Variants in ZNF215 observed in about 807,000 individuals in gnomAD.
ZNF215 encodes the protein BWSCR2-associated zinc finger protein 2.
ZNF215 carries 24 observed loss-of-function variants against 27.2 expected under a neutral mutation model. The ratio of observed to expected loss-of-function variants is 0.88; its 90% CI spans 0.64 to 1.24. ZNF215 has a LOEUF of 1.24. Ranked by LOEUF, ZNF215 falls within the 50% of genes most tolerant of loss-of-function variation. The probability of loss-of-function intolerance (pLI) is 0.00; values close to 1 mark genes in which losing one functional copy is unlikely to be tolerated. For missense variants in ZNF215, 675 were observed against 605.7 expected (o/e 1.11, Z -1.20); for synonymous variants, 210 against 204.0 (o/e 1.03, Z -0.25).
In ZNF215 at chr11:6,956,827, T is replaced by G; in HGVS notation, c.*296T>G. 1 of 1,124,528 alleles carries G rather than the reference T, an allele frequency of 8.9e-7. No individual in the cohort carries two copies. The allele number at this position is 1,124,528 out of a possible 1,614,324, so 69.7% of individuals were successfully genotyped here. On this transcript the variant is annotated 3_prime_UTR_variant, in exon 7 of 7. Transcript: ENST00000278319. ...TCCATTACCCTCACCTCTCCCTAGT[T>G]CATAAATAGGTCTATAGCATACTAA...
At chr11:6,973,476 T>A (rs1275020878) in intron 5 of ZNF215, among the ~76,000 whole-genome samples, 1 of 152,156 alleles carries the variant, frequency 6.6e-6, no homozygotes, top group Admixed American at 6.6e-5. Flanking sequence ...TGCCACACTG[T>A]CTTCCACAAT....
At chr11:6,928,762 T>C (rs150234237) in intron 2 of ZNF215, among the ~76,000 whole-genome samples, 1,888 of 152,302 alleles carry the variant, frequency 0.012, 33 homozygotes, top group Non-Finnish European at 0.016. Context: ...TTTCAAAGTA[T>C]CTGGGCCCAT....
At chr11:6,958,958 A>T (rs1490718452), downstream of ZNF215, among the ~76,000 whole-genome samples, 3 of 152,204 alleles carry the variant, frequency 2.0e-5, no homozygotes, top group Admixed American at 6.5e-5. Context: ...GTGTCCACCC[A>T]GATTGAGGGT....
At chr11:6,961,855 A>C (rs185677220), downstream of ZNF215, among the ~76,000 whole-genome samples, 185 of 152,194 alleles carry the variant, frequency 1.2e-3, no homozygotes, top group African/African-American at 4.4e-3. Context: ...CTTTTATTCT[A>C]TTCTAACAGT....
At chr11:6,978,135 T>C (rs1850871937) in intron 5 of ZNF215, among the ~76,000 whole-genome samples, 1 of 152,022 alleles carries the variant, frequency 6.6e-6, no homozygotes, top group Non-Finnish European at 1.5e-5. Flanking sequence ...CGAATGTAGG[T>C]AAAACAGTGT....
downstream of ZNF215, among the ~76,000 whole-genome samples, chr11:6,961,294 T>C (rs1000385076): frequency 6.6e-6 from 1 of 152,096 alleles, no homozygotes; most frequent in Non-Finnish European, 1.5e-5. Flanking sequence ...CTAAGTCTCA[T>C]TATGACCCTG....
chr11:6,990,121 T>C (rs903869931), downstream of ZNF215, among the ~76,000 whole-genome samples: 1 of 152,198 alleles, frequency 6.6e-6, no homozygotes, highest in Non-Finnish European at 1.5e-5. Context: ...GAACCTTTCC[T>C]CCTGTCTCCT....
chr11:6,944,921 A>G (rs1327436904), intron 6 of ZNF215, among the ~76,000 whole-genome samples: 1 of 152,206 alleles, frequency 6.6e-6, no homozygotes. Context: ...ATATCATAAT[A>G]CATTTAACCA....
downstream of ZNF215, among the ~76,000 whole-genome samples, chr11:6,960,154 G>A (rs1432127249): frequency 6.6e-6 from 1 of 152,012 alleles, no homozygotes; most frequent in Non-Finnish European, 1.5e-5. Flanking sequence ...ACATATAAAA[G>A]GAATAATAAC....
chr11:6,953,462 T>A (rs999144310), intron 6 of ZNF215, among the ~76,000 whole-genome samples: 1 of 152,150 alleles, frequency 6.6e-6, no homozygotes, highest in African/African-American at 2.4e-5. Context: ...CTAAACCTCC[T>A]TTCTTGCTTC....
At chr11:6,973,486 T>C (rs1209868082) in intron 5 of ZNF215, among the ~76,000 whole-genome samples, 1 of 152,236 alleles carries the variant, frequency 6.6e-6, no homozygotes, top group East Asian at 1.9e-4. Flanking sequence ...TCTTCCACAA[T>C]GGTTGAACTA....
downstream of ZNF215, among the ~76,000 whole-genome samples, chr11:6,991,717 A>G (rs1456824549): frequency 1.3e-5 from 2 of 152,174 alleles, no homozygotes; most frequent in African/African-American, 4.8e-5. Flanking sequence ...TCATATTTTC[A>G]TGATTTTGTG....
At chr11:6,952,142 C>G (rs925704887) in intron 6 of ZNF215, among the ~76,000 whole-genome samples, 2 of 152,132 alleles carry the variant, frequency 1.3e-5, no homozygotes, top group Non-Finnish European at 2.9e-5. Context: ...CTGAGGAGAG[C>G]TTTACTTCCA....
In ZNF215 at chr11:6,956,384, A is replaced by G. The variant is rs760152506; in HGVS notation, c.1407A>G (p.Lys469=). Residue 469 remains lysine (K), a synonymous_variant, in exon 7 of 7, where the codon AAA becomes AAG. Coordinates refer to ENST00000278319, the MANE Select transcript of ZNF215 (RefSeq NM_013250.4). ...TCTATCAATGTGTTAACTGTGGAAA[A>G]TCCTTCAACCGGAGCTCCTCTCTTA... is the stretch of plus-strand genomic sequence containing the variant. ...NNFYQCVNCG[K]SFNRSSSLIR... The G allele has an allele frequency of 1.2e-6, 2 of 1,614,178 alleles. No individual in the cohort carries two copies. Among genetic ancestry groups the G allele is most frequent in the African/African-American group, 1.3e-5 (1 of 75,046 alleles).
intron 3 of ZNF215, among the ~76,000 whole-genome samples, chr11:6,940,532 A>G (rs951976994): frequency 7.9e-5 from 12 of 152,176 alleles, no homozygotes; most frequent in Non-Finnish European, 1.5e-4. Context: ...CTGGTCTTGG[A>G]TGCTAGGCTC....
At chr11:6,955,606 T>A in intron 6 of ZNF215, 84 bp from the exon 7 acceptor site, 1 of 1,411,584 alleles carries the variant, frequency 7.1e-7, no homozygotes, top group Non-Finnish European at 9.3e-7. Flanking sequence ...CCGTGGTATA[T>A]GCATATACCT....
downstream of ZNF215, among the ~76,000 whole-genome samples, chr11:6,959,330 A>G (rs537856009): frequency 1.3e-5 from 2 of 152,286 alleles, no homozygotes; most frequent in African/African-American, 4.8e-5. Context: ...ATAGAGGTAA[A>G]GCTACAGAGA....
downstream of ZNF215, among the ~76,000 whole-genome samples, chr11:6,992,555 CA>C (rs1463975016): frequency 1.3e-5 from 2 of 152,202 alleles, no homozygotes; most frequent in Non-Finnish European, 2.9e-5. Flanking sequence ...GAAAAATACT[CA>C]GCTGTATTAG....
At chr11:6,943,892 T>A (rs1849723307) in intron 6 of ZNF215, among the ~76,000 whole-genome samples, 1 of 152,120 alleles carries the variant, frequency 6.6e-6, no homozygotes, top group Non-Finnish European at 1.5e-5. Flanking sequence ...TCTGCCAGTT[T>A]CCTCATCTGT....
Sources: allele counts gnomAD v4.1 joint callset (sites outside exome capture counted in the v4.1 genomes callset), GRCh38; gene constraint gnomAD v4.1.1; transcripts MANE v1.5; gene names NCBI Gene and HGNC (gene_info 2026-07-23, HGNC 2026-07-21).